KIAA1328: variants seen among roughly 807,000 people sequenced by gnomAD.
KIAA1328 encodes KIAA1328, also known as protein hinderin.
In KIAA1328, 52 loss-of-function variants were observed where a neutral mutation model predicts 68.1. That is an observed-to-expected ratio of 0.76 (90% CI 0.61 to 0.96). The LOEUF (loss-of-function observed/expected upper bound fraction) is 0.96. Among genes scored for constraint, KIAA1328 ranks in the 40% least tolerant of loss-of-function variants. The pLI is 0.00. For missense variants in KIAA1328, 641 were observed against 677.6 expected (o/e 0.95, Z 0.60); for synonymous variants, 232 against 239.4 (o/e 0.97, Z 0.28).
At chr18:36,923,629 A>T (rs1046098864) in intron 5 of KIAA1328, 1 of 152,234 alleles carries the variant, frequency 6.6e-6, no homozygotes, top group African/African-American at 2.4e-5. Context: ...AAGTGTAAAG[A>T]AAAGAACATT....
At chr18:37,192,933 G>A (rs1387848618) in intron 9 of KIAA1328, among the ~76,000 whole-genome samples, 2 of 152,118 alleles carry the variant, frequency 1.3e-5, no homozygotes, top group Non-Finnish European at 2.9e-5. Flanking sequence ...AGAAATAAAG[G>A]AAGAAAAGAA....
chr18:36,905,625 T>C (rs1300590564), intron 5 of KIAA1328, among the ~76,000 whole-genome samples: 1 of 152,192 alleles, frequency 6.6e-6, no homozygotes, highest in Non-Finnish European at 1.5e-5. Flanking sequence ...TCCACTGTCA[T>C]TATACTGTCA....
rs548272474 is a variant in KIAA1328 at position 36,869,692 on chromosome 18, T to A, written c.333-15865T>A. On this transcript the variant is annotated intron_variant, in intron 4 of 9. Transcript: ENST00000280020. ...GTAGTGAATTTAGGCTTCTTAGACC[T>A]GAAATGAACAGAAGAAAGGAAGTAT... Among the ~76,000 whole-genome samples the A allele has an allele frequency of 2.0e-5, 3 of 152,246 alleles. No individual in the cohort carries two copies. The East Asian group carries it at 5.8e-4, about 29-fold the overall frequency.
intron 5 of KIAA1328, among the ~76,000 whole-genome samples, chr18:36,917,973 T>G (rs1434119518): frequency 6.6e-6 from 1 of 152,002 alleles, no homozygotes; most frequent in Non-Finnish European, 1.5e-5. Flanking sequence ...AGTTGTGTGT[T>G]TTTTTTTGTT....
At chr18:37,091,395 AG>A (rs1408218062) in intron 7 of KIAA1328, among the ~76,000 whole-genome samples, 1 of 152,202 alleles carries the variant, frequency 6.6e-6, no homozygotes, top group Non-Finnish European at 1.5e-5. Flanking sequence ...ATGTTCTTTA[AG>A]TTCTGCCTTC....
intron 6 of KIAA1328, among the ~76,000 whole-genome samples, chr18:37,051,676 G>A (rs1387142232): frequency 1.3e-5 from 2 of 152,106 alleles, no homozygotes; most frequent in African/African-American, 4.8e-5. Context: ...CAAGGAGGAG[G>A]AATTCCTCCC....
At chr18:37,089,074 TA>T (rs2057190272) in intron 7 of KIAA1328, among the ~76,000 whole-genome samples, 1 of 152,058 alleles carries the variant, frequency 6.6e-6, no homozygotes, top group Non-Finnish European at 1.5e-5. Context: ...TTATCAGAGC[TA>T]TAGTAAGTAG....
intron 6 of KIAA1328, among the ~76,000 whole-genome samples, chr18:36,962,387 C>T (rs1462831855): frequency 1.3e-5 from 2 of 152,124 alleles, no homozygotes; most frequent in African/African-American, 2.4e-5. Flanking sequence ...ATTTAACACC[C>T]CACTGTCAAT....
At chr18:37,069,611 T>G (rs1023658435) in intron 7 of KIAA1328, among the ~76,000 whole-genome samples, 1 of 152,108 alleles carries the variant, frequency 6.6e-6, no homozygotes, top group Non-Finnish European at 1.5e-5. Flanking sequence ...CTTTAAATGT[T>G]TAGTAGAATT....
intron 6 of KIAA1328, among the ~76,000 whole-genome samples, chr18:37,057,530 C>A (rs2055963113): frequency 2.0e-5 from 3 of 151,684 alleles, no homozygotes; most frequent in Non-Finnish European, 4.4e-5. Flanking sequence ...CGAGTTCACA[C>A]CATTCTCCTG....
intron 7 of KIAA1328, among the ~76,000 whole-genome samples, chr18:37,080,746 C>G (rs1213114947): frequency 6.7e-6 from 1 of 150,272 alleles, no homozygotes; most frequent in Admixed American, 6.6e-5. Context: ...CGCCACTTCA[C>G]TCCAGCCTGG....
At chr18:37,150,768 A>C (rs1246408780) in intron 7 of KIAA1328, among the ~76,000 whole-genome samples, 1 of 152,180 alleles carries the variant, frequency 6.6e-6, no homozygotes, top group East Asian at 1.9e-4. Context: ...TCTCAAACAG[A>C]TGCAGGAAAA....
Position 36,829,149 on chromosome 18 carries a change from T to C in KIAA1328, c.11T>C (p.Val4Ala), listed in dbSNP as rs2046353133. 1.3e-6 allele frequency: 2 copies of C among 1,534,058 alleles called. No individual in the cohort carries two copies. The highest frequency in any genetic ancestry group is 1.4e-5 in the African/African-American group (1 of 71,012). Residue 4 changes from valine (V) to alanine (A), a missense_variant, in exon 1 of 10, where the codon GTG (valine) becomes GCG (alanine). Transcript: ENST00000280020. MAD[V>A]AGPSRPSAAA... is the part of the protein sequence containing the mutation. The stretch of plus-strand genomic sequence containing the variant: ...GGCGGTTGTTTCAAGATGGCGGACG[T>C]GGCGGGCCCCTCCCGCCCCAGTGCC...
chr18:37,140,268 A>G (rs2058738677), intron 7 of KIAA1328, among the ~76,000 whole-genome samples: 1 of 152,106 alleles, frequency 6.6e-6, no homozygotes. Flanking sequence ...CTTTGTGTTA[A>G]TAAATGACAG....
At chr18:36,986,372 A>G (rs1477958960) in intron 6 of KIAA1328, among the ~76,000 whole-genome samples, 1 of 151,664 alleles carries the variant, frequency 6.6e-6, no homozygotes, top group East Asian at 1.9e-4. Flanking sequence ...ACCTAAAACC[A>G]TAAAAACCCT....
chr18:36,956,778 T>C (rs1488742718), intron 5 of KIAA1328, among the ~76,000 whole-genome samples: 1 of 152,188 alleles, frequency 6.6e-6, no homozygotes, highest in Non-Finnish European at 1.5e-5. Context: ...TAAAAATTAC[T>C]GCCTGTGGTA....
rs2056377016 is a variant in KIAA1328 at position 37,067,353 on chromosome 18, A to G, written c.1040A>G (p.His347Arg). Residue 347 changes from histidine to arginine, a missense_variant, in exon 7 of 10, where the codon CAT becomes CGT. His to Arg is a conservative substitution (Grantham distance 29, BLOSUM62 0). Transcript: ENST00000280020. ...YCRLSWASLV[H>R]GGGALQPIET... ...CGGCTTTCTTGGGCATCTCTGGTGC[A>G]TGGTGGTGGGGCACTGCAACCCATT... 1 of 1,613,926 alleles carries G rather than the reference A, an allele frequency of 6.2e-7. No individual in the cohort carries two copies. Among genetic ancestry groups the G allele is most frequent in the East Asian group, 2.2e-5 (1 of 44,862 alleles).
rs368549176 is a variant in KIAA1328 at position 37,163,293 on chromosome 18, G to A, written c.1414+2912G>A. ...AGTGCGCAGTTTTCAGAACTGAAAT[G>A]TTAAACCTCTGACCTTGGCACTGCC... On this transcript the variant is annotated intron_variant, in intron 8 of 9. Coordinates refer to ENST00000280020, the MANE Select transcript of KIAA1328 (RefSeq NM_020776.3). Among the ~76,000 whole-genome samples, 8 of 152,336 alleles carry A rather than the reference G, an allele frequency of 5.3e-5. No homozygotes were observed. The South Asian group carries it at 1.0e-3, about 20-fold the overall frequency.
intron 6 of KIAA1328, among the ~76,000 whole-genome samples, chr18:37,042,652 T>G (rs1242548091): frequency 6.6e-6 from 1 of 152,230 alleles, no homozygotes; most frequent in Non-Finnish European, 1.5e-5. Context: ...TTTCCCTTGC[T>G]CCTTTGGAGA....
Sources: allele counts gnomAD v4.1 joint callset (sites outside exome capture counted in the v4.1 genomes callset), GRCh38; gene constraint gnomAD v4.1.1; transcripts MANE v1.5; gene names NCBI Gene and HGNC (gene_info 2026-07-23, HGNC 2026-07-21).